FAM135B: variants seen among roughly 807,000 people sequenced by gnomAD.
The protein encoded by FAM135B is protein FAM135B.
A neutral mutation model predicts 127.7 loss-of-function variants in FAM135B; 43 were observed. The observed-to-expected ratio is 0.34, with a 90% CI of 0.26 to 0.43. The LOEUF (loss-of-function observed/expected upper bound fraction) is 0.43. FAM135B is among the 20% of genes least tolerant of loss of function. FAM135B has a pLI of 1.00. For missense variants in FAM135B, 1,558 were observed against 1,725.6 expected, an observed-to-expected ratio of 0.90 and a Z score of 1.72; for synonymous variants, 670 against 665.1, an observed-to-expected ratio of 1.01 and a Z score of -0.11.
rs531423141 is a variant in FAM135B at position 138,182,529 on chromosome 8, C to T, written c.874-3839G>A. On this transcript the variant is annotated intron_variant, in intron 9 of 19. Transcript: ENST00000395297. ...TGCCAACTGAGTGCTGGTTCTGTCCCAGCGGTGTGCCGAGCTCTGGGGAGC... is the reference window on the plus strand; with the variant it reads ...TGCCAACTGAGTGCTGGTTCTGTCCTAGCGGTGTGCCGAGCTCTGGGGAGC... Among the ~76,000 whole-genome samples the T allele has an allele frequency of 1.8e-4, 28 of 152,292 alleles. No individual in the cohort carries two copies. In the South Asian group the frequency reaches 2.1e-3, roughly 11 times the overall value.
chr8:138,334,600 A>G (rs1350540181), intron 2 of FAM135B, among the ~76,000 whole-genome samples: 2 of 152,030 alleles, frequency 1.3e-5, no homozygotes, highest in Non-Finnish European at 2.9e-5. Flanking sequence ...GTGTCCACAT[A>G]TTCTCATCAT....
At position 138,494,948 on chromosome 8, in the gene FAM135B, G is replaced by A. The variant is rs553586314; in HGVS notation, c.-20+1723C>T. Among the ~76,000 whole-genome samples, 11 of 152,254 alleles carry A rather than the reference G, an allele frequency of 7.2e-5. No individual in the cohort carries two copies. The South Asian group carries it at 2.3e-3, about 32-fold the overall frequency. ...CTTGACCTTCAGCACTTGTAGGCAA[G>A]GTGGATGGCATGCAGCATTTTCCCC... On this transcript the variant is annotated intron_variant, in intron 1 of 19. Coordinates refer to ENST00000395297, the MANE Select transcript of FAM135B (RefSeq NM_015912.4).
At chr8:138,383,271 T>G (rs1831976395) in intron 1 of FAM135B, among the ~76,000 whole-genome samples, 1 of 152,198 alleles carries the variant, frequency 6.6e-6, no homozygotes, top group South Asian at 2.1e-4. Context: ...CAGACATGCT[T>G]TGGTTCGAAT....
At position 138,455,832 on chromosome 8, in the gene FAM135B, A is replaced by G. The variant is rs540647654; in HGVS notation, c.-20+40839T>C. 2.3e-4 allele frequency among the ~76,000 whole-genome samples: 35 copies of G among 152,292 alleles called. No individual in the cohort carries two copies. In the South Asian group the frequency reaches 4.8e-3, roughly 21 times the overall value. On this transcript the variant is annotated intron_variant, in intron 1 of 19. Coordinates refer to ENST00000395297, the MANE Select transcript of FAM135B (RefSeq NM_015912.4). Reference sequence around the variant, plus strand: ...TTCATCCATAATTCATGCTGTAGACAGCTGTTACAGTGGCTGAGTCCTACT... The same window carrying G: ...TTCATCCATAATTCATGCTGTAGACGGCTGTTACAGTGGCTGAGTCCTACT...
chr8:138,474,209 G>A (rs1814255437), intron 1 of FAM135B, among the ~76,000 whole-genome samples: 1 of 152,110 alleles, frequency 6.6e-6, no homozygotes, highest in South Asian at 2.1e-4. Context: ...TGAGTCATTT[G>A]CGGAGGATGC....
At chr8:138,476,437 G>A (rs1281177912) in intron 1 of FAM135B, among the ~76,000 whole-genome samples, 1 of 151,228 alleles carries the variant, frequency 6.6e-6, no homozygotes, top group East Asian at 1.9e-4. Flanking sequence ...GCTGATGAGG[G>A]GCTGTGCATG....
intron 9 of FAM135B, among the ~76,000 whole-genome samples, chr8:138,183,811 T>C (rs976193402): frequency 1.3e-5 from 2 of 152,358 alleles, no homozygotes; most frequent in African/African-American, 4.8e-5. Flanking sequence ...TTCAGTTTGA[T>C]AATTACTTTG....
chr8:138,443,913 T>C (rs570264365), intron 1 of FAM135B, among the ~76,000 whole-genome samples: 2 of 152,156 alleles, frequency 1.3e-5, no homozygotes, highest in African/African-American at 2.4e-5. Context: ...ACCTACCTCA[T>C]GTGCAGAGAC....
At chr8:138,316,139 G>A (rs1312430755) in intron 2 of FAM135B, among the ~76,000 whole-genome samples, 1 of 152,156 alleles carries the variant, frequency 6.6e-6, no homozygotes, top group Non-Finnish European at 1.5e-5. Context: ...ACATCATGTT[G>A]TATACTTTAA....
At chr8:138,425,166 T>C (rs1428263986) in intron 1 of FAM135B, among the ~76,000 whole-genome samples, 1 of 152,152 alleles carries the variant, frequency 6.6e-6, no homozygotes, top group African/African-American at 2.4e-5. Context: ...TGGCATTGAG[T>C]GGGTGTTCAC....
At chr8:138,233,961 G>A (rs978695318) in intron 7 of FAM135B, among the ~76,000 whole-genome samples, 5 of 152,128 alleles carry the variant, frequency 3.3e-5, no homozygotes, top group Admixed American at 3.3e-4. Flanking sequence ...TTAAGGAAGT[G>A]CAAATAAAAA....
intron 1 of FAM135B, among the ~76,000 whole-genome samples, chr8:138,485,677 T>C (rs544997013): frequency 2.5e-4 from 38 of 152,266 alleles, no homozygotes; most frequent in African/African-American, 7.7e-4. Context: ...AATCAGGTTA[T>C]TGGGAAAAGT....
chr8:138,214,263 T>C (rs1206021933), intron 7 of FAM135B, among the ~76,000 whole-genome samples: 1 of 152,260 alleles, frequency 6.6e-6, no homozygotes, highest in African/African-American at 2.4e-5. Context: ...TAAACAGTTC[T>C]ATCAAGAATA....
At chr8:138,185,391 G>A (rs1586715854) in intron 9 of FAM135B, among the ~76,000 whole-genome samples, 1 of 152,150 alleles carries the variant, frequency 6.6e-6, no homozygotes, top group Non-Finnish European at 1.5e-5. Flanking sequence ...AGAAACTCGA[G>A]AAGCCACTGG....
chr8:138,314,879 C>CAAA, intron 2 of FAM135B, among the ~76,000 whole-genome samples: 2 of 85,472 alleles, frequency 2.3e-5, no homozygotes, highest in Non-Finnish European at 4.8e-5. Context: ...GACCTTACCT[C>CAAA]AAAAAAAAAA....
At chr8:138,442,237 C>CATATATAT (rs759993575) in intron 1 of FAM135B, among the ~76,000 whole-genome samples, 1,187 of 51,624 alleles carry the variant, frequency 0.023, 91 homozygotes, top group East Asian at 0.07. Flanking sequence ...ATATGGACAC[C>CATATATAT]ATATATATAT....
chr8:138,279,335 C>A (rs141384322), intron 3 of FAM135B, among the ~76,000 whole-genome samples: 1 of 152,182 alleles, frequency 6.6e-6, no homozygotes. Context: ...ACACAACTCA[C>A]CAGTGAGCTC....
intron 12 of FAM135B, among the ~76,000 whole-genome samples, chr8:138,167,604 T>G (rs554281517): frequency 1.3e-5 from 2 of 152,186 alleles, no homozygotes; most frequent in South Asian, 4.2e-4. Flanking sequence ...GGTGTGGGGG[T>G]GGGCAGGCTG....
At chr8:138,247,316 C>T (rs1821366754) in intron 6 of FAM135B, among the ~76,000 whole-genome samples, 2 of 152,176 alleles carry the variant, frequency 1.3e-5, no homozygotes, top group Non-Finnish European at 2.9e-5. Context: ...ATTGTAGTTT[C>T]CATAATCCTC....
Sources: gnomAD v4.1 joint callset for allele counts (sites outside exome capture counted in the v4.1 genomes callset) on GRCh38, gnomAD v4.1.1 for gene constraint, MANE v1.5 for transcripts, NCBI Gene and HGNC (gene_info 2026-07-23, HGNC 2026-07-21) for gene names.